PNLIPRP3: variants seen among roughly 807,000 people sequenced by gnomAD.
PNLIPRP3 encodes the protein pancreatic lipase related protein 3.
PNLIPRP3 carries 58 observed loss-of-function variants against 52.8 expected under a neutral mutation model. That is an observed-to-expected ratio of 1.10 (90% CI 0.89 to 1.37). PNLIPRP3 has a LOEUF of 1.37. Among genes scored for constraint, PNLIPRP3 ranks in the 40% most tolerant of loss-of-function variants. The pLI, the probability that PNLIPRP3 is intolerant of heterozygous loss-of-function variation, is 0.00. For missense variants in PNLIPRP3, 593 were observed against 561.6 expected (o/e 1.06, Z -0.57); for synonymous variants, 192 against 185.0 (o/e 1.04, Z -0.31).
At chr10:116,473,842 G>A (rs1353059558) in intron 10 of PNLIPRP3, among the ~76,000 whole-genome samples, 1 of 150,386 alleles carries the variant, frequency 6.6e-6, no homozygotes, top group Non-Finnish European at 1.5e-5. Context: ...TTTCTAATAG[G>A]CTATCTACGC....
At position 116,445,842 on chromosome 10, in the gene PNLIPRP3, A is replaced by T. The variant is rs1309451551; in HGVS notation, c.456+1329A>T. ...GAAGGAGCAGCTAAAGGAACAGCTG[A>T]GTCTCTTCTCCACCTCTCTTTCTGT... On this transcript the variant is annotated intron_variant, in intron 4 of 11. Transcript: ENST00000369230. 2.6e-5 allele frequency among the ~76,000 whole-genome samples: 4 copies of T among 152,284 alleles called. No homozygotes were observed. The South Asian group carries it at 8.3e-4, about 32-fold the overall frequency.
intron 9 of PNLIPRP3, among the ~76,000 whole-genome samples, chr10:116,470,828 C>T (rs1159418036): frequency 6.6e-6 from 1 of 152,118 alleles, no homozygotes; most frequent in African/African-American, 2.4e-5. Flanking sequence ...ATTTTTATGA[C>T]TTCTAAAAAT....
chr10:116,429,116 C>T (rs1845675050), intron 1 of PNLIPRP3, among the ~76,000 whole-genome samples: 2 of 152,052 alleles, frequency 1.3e-5, no homozygotes, highest in Admixed American at 1.3e-4. Flanking sequence ...AAATCTGAAA[C>T]ATTTTAAGCA....
chr10:116,443,294 T>C (rs1845884910), intron 3 of PNLIPRP3, 120 bp downstream of exon 3: 2 of 1,115,618 alleles, frequency 1.8e-6, no homozygotes, highest in African/African-American at 3.2e-5. Context: ...TCCACAATTA[T>C]CCGTGTTCTG....
intron 4 of PNLIPRP3, among the ~76,000 whole-genome samples, chr10:116,451,126 A>G (rs994542334): frequency 1.3e-5 from 2 of 152,204 alleles, no homozygotes; most frequent in Admixed American, 6.5e-5. Context: ...TCATGTATGT[A>G]TGGTCAACTG....
intron 4 of PNLIPRP3, among the ~76,000 whole-genome samples, chr10:116,455,178 T>C (rs1046769591): frequency 2.6e-5 from 4 of 152,252 alleles, no homozygotes; most frequent in African/African-American, 9.6e-5. Flanking sequence ...ATGTCTTCTT[T>C]TGATAACTAT....
intron 2 of PNLIPRP3, chr10:116,440,132 T>C (rs765053039): frequency 1.2e-4 from 75 of 623,894 alleles, no homozygotes; most frequent in Non-Finnish European, 1.8e-4. Context: ...GCACCTTCTC[T>C]GCCTTTTAGG....
chr10:116,452,527 C>G (rs1278072393), intron 4 of PNLIPRP3, among the ~76,000 whole-genome samples: 1 of 152,170 alleles, frequency 6.6e-6, no homozygotes, highest in African/African-American at 2.4e-5. Flanking sequence ...GAGGCAGCCC[C>G]TCCCATCACA....
At position 116,468,017 on chromosome 10, in the gene PNLIPRP3, C is replaced by T. The variant is rs185120129; in HGVS notation, c.928-1168C>T. ...GCGGGTGCCTGTAGTCCTAGCTACTCGGGAGGCTGAGGCAGGAGAATGGCA... is the reference window on the plus strand; with the variant it reads ...GCGGGTGCCTGTAGTCCTAGCTACTTGGGAGGCTGAGGCAGGAGAATGGCA... On this transcript the variant is annotated intron_variant, in intron 8 of 11. Transcript: ENST00000369230. Among the ~76,000 whole-genome samples, 579 of 146,856 alleles carry T rather than the reference C, an allele frequency of 3.9e-3. 4 individuals carry two copies. Among genetic ancestry groups the T allele is most frequent in the African/African-American group, 0.014 (549 of 39,508 alleles).
chr10:116,464,199 C>T (rs932229536), intron 7 of PNLIPRP3, among the ~76,000 whole-genome samples: 1 of 152,176 alleles, frequency 6.6e-6, no homozygotes, highest in Non-Finnish European at 1.5e-5. Context: ...TAACCCAGCA[C>T]TGGTTCACAA....
At chr10:116,447,982 G>A (rs1301723272) in intron 4 of PNLIPRP3, among the ~76,000 whole-genome samples, 3 of 137,266 alleles carry the variant, frequency 2.2e-5, no homozygotes, top group Non-Finnish European at 4.7e-5. Flanking sequence ...AATGAAAGAG[G>A]AAGGAAGGAA....
chr10:116,476,689 A>G lies in PNLIPRP3; in HGVS notation c.1210A>G (p.Ile404Val), dbSNP rs1409244979. The change falls in exon 11 of 12, where the codon ATC becomes GTC. Residue 404 changes from isoleucine to valine, a missense_variant. Physicochemically the swap from Ile to Val is conservative, Grantham distance 29. Coordinates refer to ENST00000369230, the MANE Select transcript of PNLIPRP3 (RefSeq NM_001011709.3). ...LEPGMTYTKL[I>V]DADVNVGNIT... ...GCCAGGCATGACTTACACAAAATTA[A>G]TCGATGCAGATGTTAACGTTGGAAA... 2 of 1,587,498 alleles carry G rather than the reference A, an allele frequency of 1.3e-6. No individual in the cohort carries two copies. Among genetic ancestry groups the G allele is most frequent in the Admixed American group, 3.8e-5 (2 of 52,118 alleles).
intron 2 of PNLIPRP3, chr10:116,439,546 C>T (rs187543535): frequency 8.6e-5 from 72 of 836,310 alleles, no homozygotes; most frequent in Middle Eastern, 3.6e-4. Context: ...GGACGCTTTG[C>T]GCCATCAAAC....
chr10:116,476,883 C>A, intron 11 of PNLIPRP3, 64 bp downstream of exon 11: 2 of 1,437,410 alleles, frequency 1.4e-6, no homozygotes. Context: ...TTTAAACCCA[C>A]AGATAATTTG....
intron 1 of PNLIPRP3, among the ~76,000 whole-genome samples, chr10:116,433,799 G>A (rs1406001627): frequency 1.3e-5 from 2 of 151,510 alleles, no homozygotes; most frequent in African/African-American, 4.9e-5. Flanking sequence ...GCAGAAGGCT[G>A]GTAAATCAGA....
intron 5 of PNLIPRP3, 45 bp from the exon 6 acceptor site, chr10:116,460,921 T>TA: frequency 6.3e-7 from 1 of 1,595,278 alleles, no homozygotes; most frequent in Non-Finnish European, 8.6e-7. Context: ...ACAACAATAT[T>TA]AATGTGCACT....
At chr10:116,438,769 A>G (rs971616374) in intron 2 of PNLIPRP3, among the ~76,000 whole-genome samples, 2 of 152,160 alleles carry the variant, frequency 1.3e-5, no homozygotes, top group African/African-American at 4.8e-5. Context: ...GAGTTTGACC[A>G]ATTCTGTAGA....
intron 10 of PNLIPRP3, among the ~76,000 whole-genome samples, chr10:116,473,588 C>T (rs911047832): frequency 1.3e-5 from 2 of 152,038 alleles, no homozygotes; most frequent in Admixed American, 1.3e-4. Context: ...GTGGCATGAT[C>T]TCACCTCACT....
At chr10:116,444,593 CTTTT>C in intron 4 of PNLIPRP3, 80 bp downstream of exon 4, 1 of 1,381,548 alleles carries the variant, frequency 7.2e-7, no homozygotes, top group Non-Finnish European at 1.0e-6. Flanking sequence ...AATTTAATGT[CTTTT>C]TTTATTAGCT....
Sources: gnomAD v4.1 joint callset for allele counts (sites outside exome capture counted in the v4.1 genomes callset) on GRCh38, gnomAD v4.1.1 for gene constraint, MANE v1.5 for transcripts, NCBI Gene and HGNC (gene_info 2026-07-23, HGNC 2026-07-21) for gene names.